The following DCT variants were observed in gnomAD, a reference collection of about 807,000 sequenced individuals.
The protein encoded by DCT is L-dopachrome tautomerase.
Under a neutral mutation model 53.0 loss-of-function variants are expected in DCT, and 47 were observed. That is an observed-to-expected ratio of 0.89 (90% CI 0.70 to 1.13). The LOEUF (loss-of-function observed/expected upper bound fraction) is 1.13. Ranked by LOEUF, DCT falls within the 50% of genes most tolerant of loss-of-function variation. DCT has a pLI of 0.00. For missense variants in DCT, 669 were observed against 637.4 expected (o/e 1.05, Z -0.53); for synonymous variants, 244 against 237.0 (o/e 1.03, Z -0.27).
chr13:94,516,625 G>A, the DCT span, among the ~76,000 whole-genome samples: 2 of 152,106 alleles, frequency 1.3e-5, no homozygotes, highest in African/African-American at 4.8e-5. Context: ...CTGCCTTCAT[G>A]AATGGATTAA....
intron 4 of DCT, 93 bp from the exon 5 acceptor site, chr13:94,462,282 T>A: frequency 8.4e-6 from 8 of 954,850 alleles, no homozygotes; most frequent in Non-Finnish European, 1.2e-5. Context: ...TTGAGGCAGG[T>A]GGATCCCTTG....
chr13:94,544,476 C>G, the DCT span, among the ~76,000 whole-genome samples: 9 of 152,200 alleles, frequency 5.9e-5, no homozygotes, highest in Non-Finnish European at 8.8e-5. Flanking sequence ...CTGGAATTTA[C>G]AGAGCTAAAG....
chr13:94,455,959 T>C (rs1044008110), intron 6 of DCT, among the ~76,000 whole-genome samples: 1 of 152,220 alleles, frequency 6.6e-6, no homozygotes, highest in South Asian at 2.1e-4. Flanking sequence ...TAGAGACGTA[T>C]AGTATAAATA....
the DCT span, among the ~76,000 whole-genome samples, chr13:94,485,395 G>A: frequency 6.6e-6 from 1 of 152,090 alleles, no homozygotes; most frequent in African/African-American, 2.4e-5. Context: ...TGTCCACAAT[G>A]GAGGCACCTG....
At chr13:94,445,443 G>A (rs1188327376) in intron 6 of DCT, among the ~76,000 whole-genome samples, 2 of 152,194 alleles carry the variant, frequency 1.3e-5, no homozygotes, top group Non-Finnish European at 2.9e-5. Flanking sequence ...TGACCATGAT[G>A]GCGAGGCTCA....
chr13:94,471,572 C>G lies in DCT; in HGVS notation c.296-2527G>C, dbSNP rs1031216920. ...TATGCAAGATGCTTCGTTTTATGGA[C>G]CTTGAAGTCTATTTTCCCTGGGGCA... On this transcript the variant is annotated intron_variant, in intron 1 of 7. Coordinates refer to ENST00000377028, the MANE Select transcript of DCT (RefSeq NM_001922.5). 3.5e-4 allele frequency among the ~76,000 whole-genome samples: 53 copies of G among 152,104 alleles called. 2 individuals carry two copies. The highest frequency in any genetic ancestry group is 2.9e-5 in the Non-Finnish European group (2 of 68,026).
chr13:94,477,083 C>G (rs1039467254), intron 1 of DCT, among the ~76,000 whole-genome samples: 1 of 151,938 alleles, frequency 6.6e-6, no homozygotes, highest in African/African-American at 2.4e-5. Flanking sequence ...GATTATAAAG[C>G]CAGAACTATT....
At chr13:94,463,175 T>C (rs190289568) in intron 4 of DCT, among the ~76,000 whole-genome samples, 1 of 152,250 alleles carries the variant, frequency 6.6e-6, no homozygotes, top group Admixed American at 6.5e-5. Flanking sequence ...CTCACTCTGT[T>C]GTACAGGCTA....
At chr13:94,508,989 C>G in the DCT span, among the ~76,000 whole-genome samples, 4 of 152,132 alleles carry the variant, frequency 2.6e-5, no homozygotes, top group African/African-American at 9.7e-5. Context: ...GAATCAGACA[C>G]TACTGAGAGA....
At position 94,448,502 on chromosome 13, in the gene DCT, T is replaced by C. The variant is rs147528588; in HGVS notation, c.1180-4865A>G. On this transcript the variant is annotated intron_variant, in intron 6 of 7. Coordinates refer to ENST00000377028, the MANE Select transcript of DCT (RefSeq NM_001922.5). Reference sequence around the variant, plus strand: ...CCTTGAATTGCTCTTGAAAAACTAATTGTATCTTTGTTAAATACAAGTTAA... The same window carrying C: ...CCTTGAATTGCTCTTGAAAAACTAACTGTATCTTTGTTAAATACAAGTTAA... Among the ~76,000 whole-genome samples the C allele has an allele frequency of 1.2e-3, 186 of 152,344 alleles. 2 individuals are homozygous for C. Among genetic ancestry groups the C allele is most frequent in the African/African-American group, 4.3e-3 (178 of 41,572 alleles).
At position 94,479,463 on chromosome 13, in the gene DCT, T is replaced by C. The variant is rs1191563409; in HGVS notation, c.-208A>G. On this transcript the variant is annotated 5_prime_UTR_variant, in exon 1 of 8. The change creates a new upstream start codon in the 5' untranslated region. Transcript: ENST00000377028. ...GTACATGAACGTGCACACACAATTT[T>C]ATGTGATTCAAACAACTAACAGACT... 7 of 501,794 alleles carry C rather than the reference T, an allele frequency of 1.4e-5. No homozygotes were observed. The East Asian group carries it at 2.2e-4, about 16-fold the overall frequency. The allele number at this position is 501,794 out of a possible 1,614,324, so 31.1% of individuals were successfully genotyped here.
intron 7 of DCT, 144 bp from the exon 8 acceptor site, chr13:94,440,220 C>T: frequency 1.6e-6 from 1 of 623,260 alleles, no homozygotes; most frequent in Non-Finnish European, 2.8e-6. Context: ...TTTATCTTCT[C>T]CTTTCTCACC....
chr13:94,488,816 C>T, the DCT span, among the ~76,000 whole-genome samples: 3 of 144,552 alleles, frequency 2.1e-5, no homozygotes, highest in South Asian at 2.4e-4. Flanking sequence ...CATACATACA[C>T]ACACCATATA....
chr13:94,523,762 T>G, the DCT span, among the ~76,000 whole-genome samples: 13 of 152,312 alleles, frequency 8.5e-5, no homozygotes, highest in South Asian at 2.7e-3. Flanking sequence ...GTCCTGTATT[T>G]ACACCCCCAC....
At position 94,463,285 on chromosome 13, in the gene DCT, CTT is replaced by C. The variant is rs34241046; in HGVS notation, c.864-1098_864-1097del. Among the ~76,000 whole-genome samples, 859 of 131,260 alleles carry C rather than the reference CTT, an allele frequency of 6.5e-3. 12 individuals are homozygous for C. Among genetic ancestry groups the C allele is most frequent in the African/African-American group, 0.022 (750 of 34,794 alleles). 86.1% of individuals were successfully genotyped at this position (131,260 alleles called of 152,430 possible). ...CCCAGTAGCTGGGACTACTGGCTAA[CTT>C]TTTTTTTTTTTTTTTTTGAGACAGA... On this transcript the variant is annotated intron_variant, in intron 4 of 7. Transcript: ENST00000377028.
chr13:94,537,646 A>C, the DCT span, among the ~76,000 whole-genome samples: 468 of 152,356 alleles, frequency 3.1e-3, no homozygotes, highest in African/African-American at 0.011. Context: ...AAAAAAACAA[A>C]TAAAAACGAA....
At chr13:94,499,472 G>A in the DCT span, among the ~76,000 whole-genome samples, 1 of 151,892 alleles carries the variant, frequency 6.6e-6, no homozygotes, top group Non-Finnish European at 1.5e-5. Context: ...GTGAGTGTGT[G>A]TGTGTGTGTG....
intron 7 of DCT, among the ~76,000 whole-genome samples, chr13:94,443,197 T>C (rs1369587177): frequency 6.6e-6 from 1 of 152,214 alleles, no homozygotes; most frequent in Non-Finnish European, 1.5e-5. Flanking sequence ...ATAAGATCTA[T>C]TTAAAACTTT....
chr13:94,500,226 C>G, the DCT span, among the ~76,000 whole-genome samples: 1 of 152,150 alleles, frequency 6.6e-6, no homozygotes, highest in African/African-American at 2.4e-5. Context: ...CCAACAAAGA[C>G]ATAGCCGAGA....
Sources: gnomAD v4.1 joint callset for allele counts (sites outside exome capture counted in the v4.1 genomes callset) on GRCh38, gnomAD v4.1.1 for gene constraint, MANE v1.5 for transcripts, NCBI Gene and HGNC (gene_info 2026-07-23, HGNC 2026-07-21) for gene names.